Variants in PLD1 observed in about 807,000 individuals in gnomAD.
PLD1 encodes phospholipase D1.
Under a neutral mutation model 137.1 loss-of-function variants are expected in PLD1, and 112 were observed. The ratio of observed to expected loss-of-function variants is 0.82; its 90% CI spans 0.70 to 0.96. The LOEUF (loss-of-function observed/expected upper bound fraction) is 0.96, where lower values mean the gene tolerates loss of function less well. Ranked by LOEUF, PLD1 falls within the 40% of genes least tolerant of loss-of-function variation. The pLI is 0.00. For synonymous variants in PLD1, 431 were observed against 454.7 expected (o/e 0.95, Z 0.66); for missense variants, 1,321 against 1,342.0 (o/e 0.98, Z 0.24).
At chr3:171,681,994 A>T (rs887049585) in intron 16 of PLD1, among the ~76,000 whole-genome samples, 14 of 152,116 alleles carry the variant, frequency 9.2e-5, no homozygotes, top group African/African-American at 3.4e-4. Flanking sequence ...GAAACACTTA[A>T]TGTAGATGAC....
intron 11 of PLD1, among the ~76,000 whole-genome samples, chr3:171,704,529 T>C (rs1177341634): frequency 1.3e-5 from 2 of 148,420 alleles, no homozygotes; most frequent in Non-Finnish European, 3.0e-5. Context: ...CAAGACGACA[T>C]GGATATTGAA....
At chr3:171,643,691 G>T (rs1489663008) in intron 22 of PLD1, among the ~76,000 whole-genome samples, 1 of 152,026 alleles carries the variant, frequency 6.6e-6, no homozygotes, top group African/African-American at 2.4e-5. Context: ...AATGGCGAAT[G>T]AAATTGATAA....
intron 1 of PLD1, among the ~76,000 whole-genome samples, chr3:171,783,966 C>T (rs1722894654): frequency 6.6e-6 from 1 of 152,188 alleles, no homozygotes; most frequent in Non-Finnish European, 1.5e-5. Context: ...AACTGTAACA[C>T]TCTCCAGCAT....
intron 23 of PLD1, among the ~76,000 whole-genome samples, chr3:171,625,873 A>G (rs1252858528): frequency 5.9e-5 from 9 of 152,172 alleles, no homozygotes; most frequent in Non-Finnish European, 8.8e-5. Flanking sequence ...ATCAAAGACC[A>G]AAAGTACATA....
chr3:171,649,333 T>C (rs1171366018), intron 21 of PLD1, among the ~76,000 whole-genome samples: 1 of 152,216 alleles, frequency 6.6e-6, no homozygotes, highest in African/African-American at 2.4e-5. Context: ...AATTTTAAAC[T>C]GCGTTCAGCA....
At chr3:171,611,486 T>C in intron 25 of PLD1, 1 of 443,828 alleles carries the variant, frequency 2.3e-6, no homozygotes, top group Non-Finnish European at 4.5e-6. Flanking sequence ...TAAATAACAC[T>C]TTATTGAATG....
intron 1 of PLD1, among the ~76,000 whole-genome samples, chr3:171,749,831 A>G (rs1296495342): frequency 6.6e-6 from 1 of 152,210 alleles, no homozygotes; most frequent in African/African-American, 2.4e-5. Flanking sequence ...CTGACGCTTG[A>G]ACTACATAGG....
At chr3:171,623,558 G>A (rs895665565) in intron 23 of PLD1, among the ~76,000 whole-genome samples, 9 of 151,250 alleles carry the variant, frequency 6.0e-5, no homozygotes, top group East Asian at 1.9e-4. Context: ...TCCTGACCTC[G>A]TGATCCGCCC....
At chr3:171,625,293 GCTGGGGGAGGGGCGC>G (rs775090182) in intron 23 of PLD1, among the ~76,000 whole-genome samples, 1 of 152,262 alleles carries the variant, frequency 6.6e-6, no homozygotes, top group Non-Finnish European at 1.5e-5. Flanking sequence ...TGGCAGCGAG[GCTGGGGGAGGGGCGC>G]CTGCCATTGC....
At chr3:171,788,155 T>C (rs1723078683) in intron 1 of PLD1, among the ~76,000 whole-genome samples, 1 of 151,384 alleles carries the variant, frequency 6.6e-6, no homozygotes, top group African/African-American at 2.4e-5. Context: ...GATCGCGTCA[T>C]TGCACTCCAG....
At chr3:171,659,143 C>A in intron 21 of PLD1, 70 bp downstream of exon 21, 2 of 1,061,926 alleles carry the variant, frequency 1.9e-6, no homozygotes, top group South Asian at 2.6e-5. Context: ...TAAAAATGGG[C>A]TTTGCAAAGT....
chr3:171,624,920 T>C (rs1733953010), intron 23 of PLD1, among the ~76,000 whole-genome samples: 1 of 152,060 alleles, frequency 6.6e-6, no homozygotes. Flanking sequence ...CAATAGGGGA[T>C]GGATAAGTAC....
chr3:171,621,587 TTA>T (rs1467778630), intron 23 of PLD1, among the ~76,000 whole-genome samples: 1 of 152,210 alleles, frequency 6.6e-6, no homozygotes, highest in Non-Finnish European at 1.5e-5. Flanking sequence ...CATTCATAGG[TTA>T]TGTATAGAGA....
intron 11 of PLD1, among the ~76,000 whole-genome samples, chr3:171,701,581 C>T (rs1716239596): frequency 6.6e-6 from 1 of 152,116 alleles, no homozygotes; most frequent in African/African-American, 2.4e-5. Flanking sequence ...CTACAAGATA[C>T]TTTGAAGAAT....
intron 1 of PLD1, among the ~76,000 whole-genome samples, chr3:171,800,421 C>A (rs931548446): frequency 6.6e-6 from 1 of 152,168 alleles, no homozygotes; most frequent in Non-Finnish European, 1.5e-5. Flanking sequence ...GTTGGCCAGG[C>A]TGGTCTCAAA....
At chr3:171,700,361 C>G (rs1272273660) in intron 11 of PLD1, among the ~76,000 whole-genome samples, 3 of 149,834 alleles carry the variant, frequency 2.0e-5, no homozygotes, top group Non-Finnish European at 3.0e-5. Flanking sequence ...CCCTCTCCCT[C>G]TCTTTCGCTC....
chr3:171,620,930 AG>A (rs1733582223), intron 23 of PLD1, among the ~76,000 whole-genome samples: 1 of 152,004 alleles, frequency 6.6e-6, no homozygotes, highest in East Asian at 1.9e-4. Context: ...CCAAGACTTC[AG>A]TGTGACATTT....
intron 23 of PLD1, among the ~76,000 whole-genome samples, chr3:171,623,631 A>T: frequency 6.6e-6 from 1 of 151,676 alleles, no homozygotes; most frequent in East Asian, 1.9e-4. Flanking sequence ...CAGCCCTATC[A>T]GATATTAACA....
intron 1 of PLD1, among the ~76,000 whole-genome samples, chr3:171,783,804 G>A (rs1436818605): frequency 2.0e-5 from 3 of 151,934 alleles, no homozygotes; most frequent in East Asian, 1.9e-4. Flanking sequence ...CATCACACTC[G>A]ACTAATTTTT....
Sources: gnomAD v4.1 joint callset for allele counts (sites outside exome capture counted in the v4.1 genomes callset) on GRCh38, gnomAD v4.1.1 for gene constraint, MANE v1.5 for transcripts, NCBI Gene and HGNC (gene_info 2026-07-23, HGNC 2026-07-21) for gene names.